Variants in DCDC2 observed in about 807,000 individuals in gnomAD.
DCDC2 encodes doublecortin domain-containing protein 2.
In DCDC2, 40 loss-of-function variants were observed where a neutral mutation model predicts 50.2. That is an observed-to-expected ratio of 0.80 (90% CI 0.62 to 1.04). The LOEUF is 1.04. Among genes scored for constraint, DCDC2 ranks in the 50% least tolerant of loss-of-function variants. DCDC2 has a pLI of 0.00. For missense variants in DCDC2, 570 were observed against 581.9 expected (o/e 0.98, Z 0.21); for synonymous variants, 234 against 210.6 (o/e 1.11, Z -0.96).
chr6:24,178,276 TAC>T (rs1240320820), intron 9 of DCDC2, 52 bp downstream of exon 9: 62 of 1,538,392 alleles, frequency 4.0e-5, no homozygotes, highest in Middle Eastern at 1.7e-4. Flanking sequence ...TGCACGCATG[TAC>T]ACACACACAT....
intron 7 of DCDC2, among the ~76,000 whole-genome samples, chr6:24,206,720 C>A (rs147941333): frequency 0.014 from 2,189 of 152,206 alleles, 16 homozygotes; most frequent in Middle Eastern, 0.044. Flanking sequence ...AAGAAGAATA[C>A]AATCGATAAC....
chr6:24,267,212 G>A (rs1050802403), intron 7 of DCDC2, among the ~76,000 whole-genome samples: 1 of 152,118 alleles, frequency 6.6e-6, no homozygotes, highest in African/African-American at 2.4e-5. Context: ...AATATAGTTA[G>A]ATACAATGAA....
intron 7 of DCDC2, among the ~76,000 whole-genome samples, chr6:24,246,578 C>G (rs1224510766): frequency 3.5e-5 from 5 of 144,530 alleles, no homozygotes; most frequent in Non-Finnish European, 6.0e-5. Context: ...CCACTGCCTC[C>G]CAGGTTCAAG....
intron 7 of DCDC2, among the ~76,000 whole-genome samples, chr6:24,251,831 G>C (rs1401110111): frequency 6.6e-6 from 1 of 152,052 alleles, no homozygotes; most frequent in East Asian, 1.9e-4. Flanking sequence ...GATTTTACTG[G>C]ACTCTTTCCA....
intron 2 of DCDC2, among the ~76,000 whole-genome samples, chr6:24,329,121 T>G (rs1460446505): frequency 6.6e-6 from 1 of 152,052 alleles, no homozygotes; most frequent in Non-Finnish European, 1.5e-5. Context: ...AGCATTTAGG[T>G]AAAAAATGAT....
rs1006877453 is a variant in DCDC2 at position 24,321,323 on chromosome 6, T to C, written c.349-19279A>G. ...AATATTAAGAAACAGTATATTTGCA[T>C]AGTCTCAAACTATCTCCTCCACAAG... is the stretch of plus-strand genomic sequence containing the variant. On this transcript the variant is annotated intron_variant, in intron 2 of 9. Transcript: ENST00000378454. Among the ~76,000 whole-genome samples, 10 of 152,106 alleles carry C rather than the reference T, an allele frequency of 6.6e-5. No homozygotes were observed. In the East Asian group the frequency reaches 1.9e-3, roughly 29 times the overall value.
chr6:24,251,742 C>T (rs2113799292), intron 7 of DCDC2, among the ~76,000 whole-genome samples: 1 of 152,326 alleles, frequency 6.6e-6, no homozygotes, highest in South Asian at 2.1e-4. Context: ...ATAAGTAAAT[C>T]AACTCCCTTC....
At chr6:24,197,750 T>C (rs559568839) in intron 8 of DCDC2, among the ~76,000 whole-genome samples, 1 of 152,226 alleles carries the variant, frequency 6.6e-6, no homozygotes, top group Non-Finnish European at 1.5e-5. Flanking sequence ...AGATCATCTA[T>C]GGAATTTGTC....
At chr6:24,288,290 G>A (rs377636733) in intron 6 of DCDC2, among the ~76,000 whole-genome samples, 7 of 152,268 alleles carry the variant, frequency 4.6e-5, no homozygotes, top group East Asian at 1.9e-4. Flanking sequence ...ATCAGGGAGC[G>A]CAGACTGAAA....
At chr6:24,210,063 T>C (rs77328295) in intron 7 of DCDC2, among the ~76,000 whole-genome samples, 3 of 151,610 alleles carry the variant, frequency 2.0e-5, no homozygotes, top group African/African-American at 4.9e-5. Flanking sequence ...TGTCTGTCTG[T>C]CTGTCTGTCT....
At chr6:24,330,624 T>C (rs575522735) in intron 2 of DCDC2, among the ~76,000 whole-genome samples, 1 of 152,316 alleles carries the variant, frequency 6.6e-6, no homozygotes, top group East Asian at 1.9e-4. Context: ...CATTCAATAC[T>C]CTTTCATCTC....
intron 7 of DCDC2, among the ~76,000 whole-genome samples, chr6:24,220,891 T>TGAGCGAGCGAGCGAGAGCGAGA (rs1762095310): frequency 1.0e-5 from 1 of 98,970 alleles, no homozygotes; most frequent in Non-Finnish European, 2.2e-5. Context: ...AGCGAGAGAG[T>TGAGCGAGCGAGCGAGAGCGAGA]GAGCGAGCGA....
At chr6:24,311,355 A>G (rs142413026) in intron 2 of DCDC2, among the ~76,000 whole-genome samples, 256 of 152,338 alleles carry the variant, frequency 1.7e-3, no homozygotes, top group African/African-American at 5.5e-3. Context: ...TGTAGACTGC[A>G]TATTTATTTG....
chr6:24,280,280 A>G (rs1336926356), intron 6 of DCDC2, among the ~76,000 whole-genome samples: 1 of 152,174 alleles, frequency 6.6e-6, no homozygotes, highest in Non-Finnish European at 1.5e-5. Flanking sequence ...CCAAATCTAT[A>G]ACACTTTTTG....
the DCDC2 span, among the ~76,000 whole-genome samples, chr6:24,372,696 C>T: frequency 1.3e-5 from 2 of 151,682 alleles, no homozygotes; most frequent in African/African-American, 4.8e-5. Context: ...TGTTCTCACT[C>T]ATAGATGGGA....
rs1743508514 is a variant in DCDC2, at chr6:24,173,230, G to C, written c.*1500C>G. 1 of 151,744 alleles carries C rather than the reference G, an allele frequency of 6.6e-6. No homozygotes were observed. The highest frequency in any genetic ancestry group is 1.5e-5 in the Non-Finnish European group (1 of 67,934). 9.4% of individuals were successfully genotyped at this position (151,744 alleles called of 1,614,324 possible). A position where few individuals can be genotyped will look rare whatever the true frequency, so the allele number is the denominator to read the frequency against. ...CCAAATACTGTTACATTATCTCTCTGTTTACACTTCTGATCTGTGGAAAAT... is the reference window on the plus strand; with the variant it reads ...CCAAATACTGTTACATTATCTCTCTCTTTACACTTCTGATCTGTGGAAAAT... On this transcript the variant is annotated 3_prime_UTR_variant, in exon 10 of 10. Transcript: ENST00000378454.
At chr6:24,295,741 A>G (rs893591532) in intron 4 of DCDC2, among the ~76,000 whole-genome samples, 5 of 152,194 alleles carry the variant, frequency 3.3e-5, no homozygotes, top group African/African-American at 1.2e-4. Context: ...ATAAAATAAA[A>G]TATCTAGGAC....
chr6:24,279,273 G>A (rs148565467), intron 6 of DCDC2, among the ~76,000 whole-genome samples: 2 of 152,222 alleles, frequency 1.3e-5, no homozygotes, highest in East Asian at 3.9e-4. Context: ...GGAGGCAGAG[G>A]TGGGAGGATC....
chr6:24,279,093 GT>G (rs1185899469), intron 6 of DCDC2, among the ~76,000 whole-genome samples: 4 of 152,198 alleles, frequency 2.6e-5, no homozygotes, highest in African/African-American at 9.7e-5. Context: ...GGGAGGTTGA[GT>G]TTCGGTGGCT....
Sources: gnomAD v4.1 joint callset for allele counts (sites outside exome capture counted in the v4.1 genomes callset) on GRCh38, gnomAD v4.1.1 for gene constraint, MANE v1.5 for transcripts, NCBI Gene and HGNC (gene_info 2026-07-23, HGNC 2026-07-21) for gene names.